Variants in SGPP2 observed in about 807,000 individuals in gnomAD.
The protein encoded by SGPP2 is sphingosine 1-phosphate phosphohydrolase 2.
A neutral mutation model predicts 33.9 loss-of-function variants in SGPP2; 30 were observed. The observed-to-expected ratio is 0.89, with a 90% CI of 0.66 to 1.20. The LOEUF is 1.20. SGPP2 is among the 50% of genes most tolerant of loss of function. SGPP2 has a pLI of 0.00. For missense variants in SGPP2, 458 were observed against 532.1 expected, an observed-to-expected ratio of 0.86 and a Z score of 1.37; for synonymous variants, 233 against 225.0, an observed-to-expected ratio of 1.04 and a Z score of -0.32.
Position 222,558,688 on chromosome 2 carries a change from G to A in SGPP2, c.990G>A (p.Val330=). 2.5e-6 allele frequency: 4 copies of A among 1,614,142 alleles called. No individual in the cohort carries two copies. The highest frequency in any genetic ancestry group is 2.5e-6 in the Non-Finnish European group (3 of 1,180,024). Residue 330 remains valine (V), a synonymous_variant, in exon 5 of 5, where the codon GTG becomes GTA. Coordinates refer to ENST00000321276, the MANE Select transcript of SGPP2 (RefSeq NM_152386.4). ...TTTTGGGTCTGACCAAATTTGCAGT[G>A]GGAATTGTGTTGATCCTCTTGGTTC... ...MLVLGLTKFA[V]GIVLILLVRQ...
chr2:222,481,202 G>A (rs563841589), intron 2 of SGPP2, among the ~76,000 whole-genome samples: 1 of 152,116 alleles, frequency 6.6e-6, no homozygotes, highest in African/African-American at 2.4e-5. Context: ...GTCTACCTAT[G>A]CAACAAACCT....
intron 1 of SGPP2, among the ~76,000 whole-genome samples, chr2:222,439,537 A>G (rs1254875432): frequency 1.3e-5 from 2 of 152,178 alleles, no homozygotes; most frequent in African/African-American, 4.8e-5. Flanking sequence ...ATCTCCAAAA[A>G]AAAAGGAAAC....
chr2:222,546,210 A>G (rs1033934750), intron 4 of SGPP2, among the ~76,000 whole-genome samples: 9 of 152,212 alleles, frequency 5.9e-5, no homozygotes, highest in African/African-American at 1.9e-4. Flanking sequence ...CCTGCATAAA[A>G]TTAATTCATG....
chr2:222,501,242 A>C (rs1000094915), intron 2 of SGPP2, among the ~76,000 whole-genome samples: 5 of 152,110 alleles, frequency 3.3e-5, no homozygotes, highest in Admixed American at 3.3e-4. Context: ...GAGCTCAGTG[A>C]CTGTCATTCT....
chr2:222,541,674 C>T (rs1295855937), intron 4 of SGPP2, among the ~76,000 whole-genome samples: 1 of 151,824 alleles, frequency 6.6e-6, no homozygotes, highest in African/African-American at 2.4e-5. Flanking sequence ...AGTGCGGTGG[C>T]GCTATCTCAG....
intron 4 of SGPP2, among the ~76,000 whole-genome samples, chr2:222,548,604 G>C (rs896335996): frequency 6.6e-6 from 1 of 151,962 alleles, no homozygotes; most frequent in Non-Finnish European, 1.5e-5. Flanking sequence ...AGACCCATTC[G>C]TATCAGGCGA....
intron 4 of SGPP2, among the ~76,000 whole-genome samples, chr2:222,540,602 G>A (rs964360792): frequency 2.6e-5 from 4 of 151,980 alleles, no homozygotes; most frequent in East Asian, 1.9e-4. Flanking sequence ...ACCTGGGAAC[G>A]GTGCGCAGTA....
chr2:222,485,164 A>C (rs1171817964), intron 2 of SGPP2, among the ~76,000 whole-genome samples: 1 of 152,194 alleles, frequency 6.6e-6, no homozygotes, highest in Non-Finnish European at 1.5e-5. Context: ...CCACTGCGCC[A>C]TGTTGCCTCA....
rs559659358 is a variant in SGPP2, at chr2:222,517,366, C to A, written c.379-4401C>A. ...GCAGAGAAGGGGAGGAGAGGAAGAA[C>A]ATCTGAACATCGAGAGGAGTTCCGC... is the stretch of plus-strand genomic sequence containing the variant. On this transcript the variant is annotated intron_variant, in intron 2 of 4. Coordinates refer to ENST00000321276, the MANE Select transcript of SGPP2 (RefSeq NM_152386.4). 9.4e-4 allele frequency among the ~76,000 whole-genome samples: 143 copies of A among 152,242 alleles called. 2 individuals are homozygous for A. Among genetic ancestry groups the A allele is most frequent in the African/African-American group, 3.3e-3 (139 of 41,544 alleles).
At chr2:222,436,502 CA>C (rs1448811492) in intron 1 of SGPP2, among the ~76,000 whole-genome samples, 1 of 152,188 alleles carries the variant, frequency 6.6e-6, no homozygotes, top group Non-Finnish European at 1.5e-5. Context: ...ATTGTGACTT[CA>C]AAAGGCCATA....
At chr2:222,514,276 T>C (rs1698572264) in intron 2 of SGPP2, among the ~76,000 whole-genome samples, 1 of 152,260 alleles carries the variant, frequency 6.6e-6, no homozygotes, top group African/African-American at 2.4e-5. Context: ...ATATGCAGTG[T>C]TGAAGTCTCA....
intron 1 of SGPP2, among the ~76,000 whole-genome samples, chr2:222,432,661 G>A (rs961390134): frequency 1.4e-4 from 21 of 152,188 alleles, no homozygotes; most frequent in Admixed American, 1.4e-3. Flanking sequence ...TAAAGAAACA[G>A]AAGCCTCAAG....
intron 1 of SGPP2, among the ~76,000 whole-genome samples, chr2:222,427,816 TA>T (rs34202427): frequency 2.0e-5 from 3 of 152,208 alleles, no homozygotes; most frequent in African/African-American, 7.2e-5. Context: ...TTCAAGTGAC[TA>T]AAAGTTTCCT....
At chr2:222,493,097 C>T (rs55839307) in intron 2 of SGPP2, among the ~76,000 whole-genome samples, 4,217 of 152,320 alleles carry the variant, frequency 0.028, 214 homozygotes, top group African/African-American at 0.096. Context: ...AAAGTCACTT[C>T]CACATTTCCA....
chr2:222,558,383 A>G lies in SGPP2; in HGVS notation c.685A>G (p.Ile229Val), dbSNP rs1689455051. The G allele has an allele frequency of 1.9e-6, 3 of 1,613,984 alleles. No homozygotes were observed. The highest frequency in any genetic ancestry group is 2.7e-5 in the African/African-American group (2 of 74,896). Residue 229 changes from isoleucine (I) to valine (V), a missense_variant, in exon 5 of 5, where the codon ATC becomes GTC. By Grantham distance (29) the Ile-to-Val change is conservative. Coordinates refer to ENST00000321276, the MANE Select transcript of SGPP2 (RefSeq NM_152386.4). ...TGGCGTCCTGATCACCGCACTCCTCATCGTCCTCACCTACCCTGCCTGGAC... is the reference window on the plus strand; with the variant it reads ...TGGCGTCCTGATCACCGCACTCCTCGTCGTCCTCACCTACCCTGCCTGGAC... ...LGGVLITALL[I>V]VLTYPAWTFI...
intron 2 of SGPP2, among the ~76,000 whole-genome samples, chr2:222,497,909 A>G (rs533144447): frequency 2.6e-5 from 4 of 152,296 alleles, no homozygotes; most frequent in African/African-American, 9.6e-5. Context: ...ACGGATGAGG[A>G]GCCAGCCTCA....
intron 1 of SGPP2, among the ~76,000 whole-genome samples, chr2:222,446,131 CA>C (rs1355191960): frequency 2.0e-5 from 3 of 152,152 alleles, no homozygotes; most frequent in African/African-American, 7.2e-5. Flanking sequence ...AGAAACCAGT[CA>C]TTGTTAATTT....
chr2:222,556,643 C>G (rs1237874913), intron 4 of SGPP2, among the ~76,000 whole-genome samples: 2 of 80,118 alleles, frequency 2.5e-5, no homozygotes, highest in Non-Finnish European at 5.0e-5. Flanking sequence ...TCACTCCTCC[C>G]CCACCCACCC....
Position 222,558,914 on chromosome 2 carries a change from A to C in SGPP2, c.*16A>C. The C allele has an allele frequency of 6.3e-7, 1 of 1,591,920 alleles. No homozygotes were observed. Among genetic ancestry groups the C allele is most frequent in the Non-Finnish European group, 8.6e-7 (1 of 1,162,360 alleles). ...ATTACCCTGAGTCTCAAACAGTTGGAAACTAGCCCACTGGACATGAAAGCC... is the reference window on the plus strand; with the variant it reads ...ATTACCCTGAGTCTCAAACAGTTGGCAACTAGCCCACTGGACATGAAAGCC... On this transcript the variant is annotated 3_prime_UTR_variant, in exon 5 of 5. Transcript: ENST00000321276.
Sources: allele counts gnomAD v4.1 joint callset (sites outside exome capture counted in the v4.1 genomes callset), GRCh38; gene constraint gnomAD v4.1.1; transcripts MANE v1.5; gene names NCBI Gene and HGNC (gene_info 2026-07-23, HGNC 2026-07-21).